LHFPL6: variants seen among roughly 807,000 people sequenced by gnomAD.
LHFPL6 encodes the protein LHFPL tetraspan subfamily member 6 protein.
LHFPL6 carries 9 observed loss-of-function variants against 20.6 expected under a neutral mutation model. The observed-to-expected ratio is 0.44, with a 90% CI of 0.26 to 0.76. The LOEUF is 0.76. Among genes scored for constraint, LHFPL6 ranks in the 30% least tolerant of loss-of-function variants. The pLI is 0.20. For synonymous variants in LHFPL6, 105 were observed against 98.7 expected, an observed-to-expected ratio of 1.06 and a Z score of -0.38; for missense variants, 218 against 253.5, an observed-to-expected ratio of 0.86 and a Z score of 0.95.
intron 2 of LHFPL6, among the ~76,000 whole-genome samples, chr13:39,536,918 C>T (rs575290732): frequency 1.3e-5 from 2 of 152,296 alleles, no homozygotes; most frequent in Non-Finnish European, 2.9e-5. Flanking sequence ...ACTCCTGACC[C>T]TTAGCTGTCT....
intron 2 of LHFPL6, among the ~76,000 whole-genome samples, chr13:39,411,499 C>T (rs1427414604): frequency 6.6e-6 from 1 of 152,210 alleles, no homozygotes; most frequent in Non-Finnish European, 1.5e-5. Flanking sequence ...GCATGATTCA[C>T]AGGACTTCGG....
At chr13:39,425,338 C>T (rs1226946091) in intron 2 of LHFPL6, among the ~76,000 whole-genome samples, 2 of 152,116 alleles carry the variant, frequency 1.3e-5, no homozygotes, top group African/African-American at 4.8e-5. Flanking sequence ...GTGTTCTTTC[C>T]AGTGCTTGAC....
chr13:39,536,707 C>T (rs1158642064), intron 2 of LHFPL6, among the ~76,000 whole-genome samples: 1 of 152,154 alleles, frequency 6.6e-6, no homozygotes, highest in Non-Finnish European at 1.5e-5. Context: ...TTTCCCTCTC[C>T]TCACCCAAAT....
At chr13:39,392,084 T>C (rs1262643820) in intron 2 of LHFPL6, among the ~76,000 whole-genome samples, 1 of 152,236 alleles carries the variant, frequency 6.6e-6, no homozygotes, top group Non-Finnish European at 1.5e-5. Context: ...GTAAGTTCAA[T>C]ACTTTTTTTC....
At chr13:39,440,510 A>G (rs1593313868) in intron 2 of LHFPL6, among the ~76,000 whole-genome samples, 1 of 152,198 alleles carries the variant, frequency 6.6e-6, no homozygotes, top group South Asian at 2.1e-4. Flanking sequence ...GAAAACAGAG[A>G]GCAAATACAT....
At chr13:39,576,773 A>G (rs977062942) in intron 2 of LHFPL6, among the ~76,000 whole-genome samples, 1 of 151,858 alleles carries the variant, frequency 6.6e-6, no homozygotes, top group Non-Finnish European at 1.5e-5. Context: ...AGCTAGGACT[A>G]CAGGCATGCA....
intron 3 of LHFPL6, among the ~76,000 whole-genome samples, chr13:39,352,936 T>C (rs1185886894): frequency 2.2e-5 from 1 of 45,260 alleles, no homozygotes; most frequent in Non-Finnish European, 4.3e-5. Context: ...TGTATATATA[T>C]GTGTGTATAT....
intron 2 of LHFPL6, among the ~76,000 whole-genome samples, chr13:39,411,987 C>T (rs193122572): frequency 6.6e-6 from 1 of 152,154 alleles, no homozygotes; most frequent in South Asian, 2.1e-4. Flanking sequence ...TTCTGTGGGA[C>T]ATAAGTATTA....
At chr13:39,432,713 C>G (rs1383169882) in intron 2 of LHFPL6, among the ~76,000 whole-genome samples, 2 of 152,144 alleles carry the variant, frequency 1.3e-5, no homozygotes, top group South Asian at 2.1e-4. Flanking sequence ...AATTGTTTCT[C>G]CCTCCTCCCA....
At chr13:39,471,686 C>T (rs1055396539) in intron 2 of LHFPL6, among the ~76,000 whole-genome samples, 6 of 152,158 alleles carry the variant, frequency 3.9e-5, no homozygotes, top group African/African-American at 1.4e-4. Context: ...GGTACTTACA[C>T]GTGTATTGTA....
chr13:39,555,324 C>CTTT lies in LHFPL6; in HGVS notation c.385+45505_385+45507dup, dbSNP rs74344851. 1.4e-3 allele frequency among the ~76,000 whole-genome samples: 190 copies of CTTT among 135,132 alleles called. 1 individual carries two copies. Among genetic ancestry groups the CTTT allele is most frequent in the Middle Eastern group, 7.7e-3 (2 of 260 alleles). The allele number at this position is 135,132 out of a possible 152,430, so 88.7% of individuals were successfully genotyped here. A position where few individuals can be genotyped will look rare whatever the true frequency, so the allele number is the denominator to read the frequency against. On this transcript the variant is annotated intron_variant, in intron 2 of 3. Coordinates refer to ENST00000379589, the MANE Select transcript of LHFPL6 (RefSeq NM_005780.3). ...TTTGAAAAACAGAGCTCTCCCCGCC[C>CTTT]TTTTTTTTTTTTTTTTGCATTCTGC...
intron 2 of LHFPL6, among the ~76,000 whole-genome samples, chr13:39,565,237 T>C (rs1441785198): frequency 6.6e-6 from 1 of 150,914 alleles, no homozygotes; most frequent in Non-Finnish European, 1.5e-5. Context: ...AATTACAGTA[T>C]ATTTCATCAT....
intron 2 of LHFPL6, among the ~76,000 whole-genome samples, chr13:39,531,838 G>GA (rs1870476472): frequency 6.6e-6 from 1 of 152,176 alleles, no homozygotes; most frequent in Non-Finnish European, 1.5e-5. Context: ...GTAAGCTGAA[G>GA]AAAGGAGAGT....
chr13:39,370,067 A>C lies in LHFPL6; in HGVS notation c.484+8361T>G, dbSNP rs1283036559. Among the ~76,000 whole-genome samples the C allele has an allele frequency of 1.3e-5, 2 of 152,304 alleles. 1 individual carries two copies. The highest frequency in any genetic ancestry group is 6.8e-3 in the Middle Eastern group (2 of 294). ...AAAATGTGGCATTCTCCCTACTTCT[A>C]GAGTAAAGGCAGAAAACTCTTCATC... On this transcript the variant is annotated intron_variant, in intron 3 of 3. Transcript: ENST00000379589.
intron 2 of LHFPL6, among the ~76,000 whole-genome samples, chr13:39,404,129 T>C (rs894624767): frequency 6.6e-6 from 1 of 152,220 alleles, no homozygotes; most frequent in African/African-American, 2.4e-5. Flanking sequence ...GCTTATTAAA[T>C]AAGCACGTGA....
At chr13:39,416,615 C>CATGTACTTAATGTGTGAATGCAGT (rs1871355895) in intron 2 of LHFPL6, among the ~76,000 whole-genome samples, 2 of 152,194 alleles carry the variant, frequency 1.3e-5, no homozygotes, top group South Asian at 4.1e-4. Context: ...GTATCAGTTT[C>CATGTACTTAATGTGTGAATGCAGT]ATGTACTTAA....
chr13:39,427,185 T>C, intron 2 of LHFPL6, among the ~76,000 whole-genome samples: 1 of 151,682 alleles, frequency 6.6e-6, no homozygotes, highest in African/African-American at 2.4e-5. Flanking sequence ...GAAGCTTCTT[T>C]GAGGAGTCCC....
intron 2 of LHFPL6, among the ~76,000 whole-genome samples, chr13:39,536,000 C>T (rs1277053086): frequency 1.3e-5 from 2 of 152,054 alleles, no homozygotes; most frequent in East Asian, 3.9e-4. Context: ...TTTGACACTA[C>T]ATAGGAAAGG....
In LHFPL6 at chr13:39,514,726, C is replaced by T. The variant is rs146998606; in HGVS notation, c.385+86106G>A. On this transcript the variant is annotated intron_variant, in intron 2 of 3. Transcript: ENST00000379589. ...CAGGAACAGGGAAAGGGAAGCAAAA[C>T]ACTGAATTCAACGTGAATGCATTTC... 1.2e-4 allele frequency among the ~76,000 whole-genome samples: 19 copies of T among 152,334 alleles called. No homozygotes were observed. The East Asian group carries it at 3.7e-3, about 29-fold the overall frequency.
Sources: gnomAD v4.1 joint callset for allele counts (sites outside exome capture counted in the v4.1 genomes callset) on GRCh38, gnomAD v4.1.1 for gene constraint, MANE v1.5 for transcripts, NCBI Gene and HGNC (gene_info 2026-07-23, HGNC 2026-07-21) for gene names.